NR5A2: variants seen among roughly 807,000 people sequenced by gnomAD.
NR5A2 encodes the protein CYP7A promoter-binding factor.
NR5A2 carries 26 observed loss-of-function variants against 62.7 expected under a neutral mutation model. The observed-to-expected ratio is 0.41, with a 90% confidence interval of 0.30 to 0.58. The LOEUF is 0.58. NR5A2 is among the 20% of genes least tolerant of loss of function. The probability of loss-of-function intolerance (pLI) is 0.22; values close to 1 mark genes in which losing one functional copy is unlikely to be tolerated. For synonymous variants in NR5A2, 246 were observed against 241.7 expected, an observed-to-expected ratio of 1.02 and a Z score of -0.16; for missense variants, 541 against 669.1, an observed-to-expected ratio of 0.81 and a Z score of 2.11.
intron 7 of NR5A2, among the ~76,000 whole-genome samples, chr1:200,146,605 T>C (rs1418283304): frequency 6.6e-6 from 1 of 152,202 alleles, no homozygotes; most frequent in African/African-American, 2.4e-5. Context: ...ATTTTAAACA[T>C]TAAATAAAAT....
intron 5 of NR5A2, among the ~76,000 whole-genome samples, chr1:200,096,230 G>A (rs191536785): frequency 6.6e-6 from 1 of 152,130 alleles, no homozygotes; most frequent in African/African-American, 2.4e-5. Context: ...CAGGACTACA[G>A]GTGTGCGCCA....
intron 5 of NR5A2, among the ~76,000 whole-genome samples, chr1:200,070,544 G>A (rs1571419996): frequency 6.6e-6 from 1 of 152,140 alleles, no homozygotes; most frequent in South Asian, 2.1e-4. Context: ...GCCAGGTATA[G>A]TTGCATGCAT....
intron 5 of NR5A2, among the ~76,000 whole-genome samples, chr1:200,078,431 GAA>G (rs1420951284): frequency 6.6e-6 from 1 of 152,190 alleles, no homozygotes; most frequent in Non-Finnish European, 1.5e-5. Flanking sequence ...TAATGCTACA[GAA>G]AAGACAATGG....
chr1:200,133,528 CACACACATATATATAT>C (rs1667065266), intron 7 of NR5A2, among the ~76,000 whole-genome samples: 2 of 106,146 alleles, frequency 1.9e-5, no homozygotes, highest in African/African-American at 8.6e-5. Flanking sequence ...TATATATATA[CACACACATATATATAT>C]ATACACATAT....
intron 7 of NR5A2, among the ~76,000 whole-genome samples, chr1:200,122,380 T>A (rs1425094566): frequency 1.3e-5 from 2 of 152,236 alleles, no homozygotes; most frequent in African/African-American, 4.8e-5. Flanking sequence ...AATATATGTA[T>A]AAGAAACTGT....
chr1:200,051,541 G>C (rs1662633673), intron 5 of NR5A2, among the ~76,000 whole-genome samples: 1 of 152,154 alleles, frequency 6.6e-6, no homozygotes. Context: ...AAGGAAAAGG[G>C]AAAAAAGTAC....
Position 200,144,233 on chromosome 1 carries a change from T to TCTCACACA in NR5A2, c.1378+23279_1378+23280insTCACACAC, listed in dbSNP as rs1446217306. Among the ~76,000 whole-genome samples, 355 of 80,100 alleles carry TCTCACACA rather than the reference T, an allele frequency of 4.4e-3. 2 individuals are homozygous for TCTCACACA. The highest frequency in any genetic ancestry group is 0.014 in the African/African-American group (342 of 23,916). 52.5% of individuals were successfully genotyped at this position (80,100 alleles called of 152,430 possible). A position where few individuals can be genotyped will look rare whatever the true frequency, so the allele number is the denominator to read the frequency against. On this transcript the variant is annotated intron_variant, in intron 7 of 7. Transcript: ENST00000367362. ...CACTGTTTCTCTCTCTCTCTCTCTC[T>TCTCACACA]CACACACACACACACACACACACAC...
At chr1:200,055,332 A>T (rs1662866320) in intron 5 of NR5A2, among the ~76,000 whole-genome samples, 1 of 152,006 alleles carries the variant, frequency 6.6e-6, no homozygotes, top group Non-Finnish European at 1.5e-5. Flanking sequence ...AGTAGCTGGG[A>T]TTATAGCGCC....
At chr1:200,164,318 G>T (rs914692563) in intron 7 of NR5A2, among the ~76,000 whole-genome samples, 1 of 152,078 alleles carries the variant, frequency 6.6e-6, no homozygotes, top group East Asian at 1.9e-4. Context: ...ACAGAATTCT[G>T]GATTATGATC....
intron 5 of NR5A2, among the ~76,000 whole-genome samples, chr1:200,051,675 CA>C (rs200889468): frequency 0.017 from 2,643 of 152,160 alleles, 68 homozygotes; most frequent in African/African-American, 0.06. Context: ...TTTTGGTGAA[CA>C]AAGAGTAGAA....
At chr1:200,133,608 T>TAC (rs1667086206) in intron 7 of NR5A2, among the ~76,000 whole-genome samples, 1 of 97,642 alleles carries the variant, frequency 1.0e-5, no homozygotes, top group African/African-American at 3.9e-5. Flanking sequence ...TATACACATA[T>TAC]ATACACACAC....
intron 5 of NR5A2, among the ~76,000 whole-genome samples, chr1:200,076,067 A>C (rs1664019546): frequency 6.6e-6 from 1 of 152,164 alleles, no homozygotes; most frequent in South Asian, 2.1e-4. Context: ...ATTGAGTGGG[A>C]ACCTCAACCC....
chr1:200,082,540 G>T (rs1463204001), intron 5 of NR5A2, among the ~76,000 whole-genome samples: 1 of 152,116 alleles, frequency 6.6e-6, no homozygotes, highest in Non-Finnish European at 1.5e-5. Flanking sequence ...TCTTTTGTGT[G>T]ACTAATGTAG....
At chr1:200,120,055 T>C (rs989507625) in intron 6 of NR5A2, among the ~76,000 whole-genome samples, 2 of 152,196 alleles carry the variant, frequency 1.3e-5, no homozygotes, top group African/African-American at 4.8e-5. Context: ...CATCTGAGAA[T>C]AGCAGTTTTA....
At chr1:200,046,875 T>C (rs1662392411) in intron 4 of NR5A2, among the ~76,000 whole-genome samples, 1 of 152,244 alleles carries the variant, frequency 6.6e-6, no homozygotes, top group African/African-American at 2.4e-5. Context: ...AACTTTCTTT[T>C]TTTTAAGTTA....
intron 2 of NR5A2, among the ~76,000 whole-genome samples, chr1:200,041,931 AG>A (rs1213190749): frequency 6.6e-6 from 1 of 152,042 alleles, no homozygotes; most frequent in African/African-American, 2.4e-5. Context: ...GGGGAAGGGG[AG>A]GTAGAAAAGA....
chr1:200,155,065 A>G (rs936461083), intron 7 of NR5A2, among the ~76,000 whole-genome samples: 1 of 152,192 alleles, frequency 6.6e-6, no homozygotes, highest in African/African-American at 2.4e-5. Flanking sequence ...TGTGAGGGCA[A>G]AACTTTAGAA....
intron 7 of NR5A2, among the ~76,000 whole-genome samples, chr1:200,164,867 GTTTTTTTTTTTTTTT>G (rs56818276): frequency 4.7e-5 from 3 of 63,898 alleles, no homozygotes; most frequent in Admixed American, 1.8e-4. Flanking sequence ...TTTTAGAGCA[GTTTTTTTTTTTTTTT>G]TTTTTTTTTT....
chr1:200,098,914 A>G (rs536831333), intron 5 of NR5A2, among the ~76,000 whole-genome samples: 124 of 152,346 alleles, frequency 8.1e-4, no homozygotes, highest in Non-Finnish European at 1.4e-3. Flanking sequence ...AATTTTTAAC[A>G]AAGCAAAAAT....
Sources: gnomAD v4.1 joint callset for allele counts (sites outside exome capture counted in the v4.1 genomes callset) on GRCh38, gnomAD v4.1.1 for gene constraint, MANE v1.5 for transcripts, NCBI Gene and HGNC (gene_info 2026-07-23, HGNC 2026-07-21) for gene names.